The following OPRPN variants were observed in gnomAD, a reference collection of about 807,000 sequenced individuals.
The protein encoded by OPRPN is basic proline-rich lacrimal protein.
Under a neutral mutation model 2.2 loss-of-function variants are expected in OPRPN, and 1 was observed. The observed-to-expected ratio is 0.45, with a 90% CI of 0.16 to 2.15. The LOEUF (loss-of-function observed/expected upper bound fraction) is 2.15. Among genes scored for constraint, OPRPN ranks in the 30% most tolerant of loss-of-function variants. The pLI is 0.28. For synonymous variants in OPRPN, 126 were observed against 111.5 expected (o/e 1.13, Z -0.82); for missense variants, 306 against 297.3 (o/e 1.03, Z -0.21).
chr4:70,403,545 T>G (rs549567415), intron 2 of OPRPN, among the ~76,000 whole-genome samples: 16 of 152,336 alleles, frequency 1.1e-4, no homozygotes, highest in Admixed American at 7.2e-4. Context: ...CAAAAAATAT[T>G]TATGTTTCAT....
At position 70,401,778 on chromosome 4, in the gene OPRPN, G is replaced by T. The variant is rs1001831843; in HGVS notation, c.51+2442G>T. Among the ~76,000 whole-genome samples the T allele has an allele frequency of 3.9e-5, 6 of 152,050 alleles. No individual in the cohort carries two copies. In the East Asian group the frequency reaches 9.6e-4, roughly 24 times the overall value. ...GGCCAAGTGTAAGCTCAAAGGTAAA[G>T]TATCTCATGGTGGACAAGGATATCT... is the stretch of plus-strand genomic sequence containing the variant. On this transcript the variant is annotated intron_variant, in intron 2 of 2. Transcript: ENST00000399575.
chr4:70,403,174 A>G (rs1733017161), intron 2 of OPRPN, among the ~76,000 whole-genome samples: 1 of 152,210 alleles, frequency 6.6e-6, no homozygotes, highest in Admixed American at 6.5e-5. Context: ...CATGACCTCT[A>G]ACTTCAAGGG....
At chr4:70,403,823 T>G (rs1733029798) in intron 2 of OPRPN, among the ~76,000 whole-genome samples, 1 of 152,082 alleles carries the variant, frequency 6.6e-6, no homozygotes, top group Non-Finnish European at 1.5e-5. Context: ...ACCCAATATA[T>G]TCTAAGACCA....
At chr4:70,409,276 T>G in intron 2 of OPRPN, 104 bp from the exon 3 acceptor site, 1 of 859,624 alleles carries the variant, frequency 1.2e-6, no homozygotes, top group African/African-American at 1.7e-5. Flanking sequence ...TATATCCTAA[T>G]GTTTACATAG....
chr4:70,399,462 G>A (rs1732927892), intron 2 of OPRPN, 126 bp downstream of exon 2: 1 of 734,904 alleles, frequency 1.4e-6, no homozygotes, highest in African/African-American at 1.8e-5. Flanking sequence ...GATAATTATG[G>A]ACTTGCTCTT....
intron 2 of OPRPN, among the ~76,000 whole-genome samples, chr4:70,402,351 G>C (rs1733000637): frequency 6.6e-6 from 1 of 152,108 alleles, no homozygotes; most frequent in Admixed American, 6.6e-5. Context: ...GAGAAAGGCT[G>C]AGGACTTCTT....
At chr4:70,405,515 A>T (rs1370196593) in intron 2 of OPRPN, among the ~76,000 whole-genome samples, 1 of 152,130 alleles carries the variant, frequency 6.6e-6, no homozygotes, top group Non-Finnish European at 1.5e-5. Flanking sequence ...ATTGATACCC[A>T]AGTTTCTGTC....
At chr4:70,401,002 C>T (rs534975243) in intron 2 of OPRPN, among the ~76,000 whole-genome samples, 1 of 151,982 alleles carries the variant, frequency 6.6e-6, no homozygotes, top group South Asian at 2.1e-4. Context: ...CTTTGATTCT[C>T]TATCTACAAC....
Position 70,398,009 on chromosome 4 carries a change from T to C in OPRPN, c.-47T>C, listed in dbSNP as rs919430792. On this transcript the variant is annotated 5_prime_UTR_variant, in exon 1 of 3. Transcript: ENST00000399575. ...ATCTGGCAAGAGTAAGATTAAGCAG[T>C]AATTTGTTCCAAAGAAGAATCTTCT... 2.6e-5 allele frequency: 4 copies of C among 151,970 alleles called. No homozygotes were observed. The highest frequency in any genetic ancestry group is 6.6e-5 in the Admixed American group (1 of 15,188). 9.4% of individuals were successfully genotyped at this position (151,970 alleles called of 1,614,324 possible).
rs572710654 is a variant in OPRPN at position 70,408,296 on chromosome 4, G to T, written c.52-1084G>T. 3.3e-5 allele frequency among the ~76,000 whole-genome samples: 5 copies of T among 152,266 alleles called. No homozygotes were observed. The South Asian group carries it at 1.0e-3, about 32-fold the overall frequency. On this transcript the variant is annotated intron_variant, in intron 2 of 2. Coordinates refer to ENST00000399575, the MANE Select transcript of OPRPN (RefSeq NM_021225.5). The stretch of plus-strand genomic sequence containing the variant: ...TTTCAGGCAAACTGGTCTTCTGATG[G>T]TCGCTAGAATAGAACCTATATTTTC...
chr4:70,407,655 G>A (rs1240690714), intron 2 of OPRPN, among the ~76,000 whole-genome samples: 1 of 152,106 alleles, frequency 6.6e-6, no homozygotes, highest in Non-Finnish European at 1.5e-5. Flanking sequence ...AGCTTCAAGG[G>A]TACCCTAGGT....
Position 70,399,517 on chromosome 4 carries a change from G to A in OPRPN, c.51+181G>A, listed in dbSNP as rs78698994. On this transcript the variant is annotated intron_variant, in intron 2 of 2. Transcript: ENST00000399575. Reference sequence around the variant, plus strand: ...ATTTATGACTAACCATCTAGTCAGCGGTTGCTAAGCATGAAGGGACAGTGG... The same window carrying A: ...ATTTATGACTAACCATCTAGTCAGCAGTTGCTAAGCATGAAGGGACAGTGG... 7.0e-3 allele frequency: 3,778 copies of A among 542,186 alleles called. 30 individuals carry two copies. The highest frequency in any genetic ancestry group is 0.02 in the Middle Eastern group (38 of 1,900). 33.6% of individuals were successfully genotyped at this position (542,186 alleles called of 1,614,324 possible).
intron 2 of OPRPN, among the ~76,000 whole-genome samples, chr4:70,403,270 A>G (rs1733019032): frequency 6.6e-6 from 1 of 152,186 alleles, no homozygotes; most frequent in Non-Finnish European, 1.5e-5. Context: ...GGGCCAGATA[A>G]CAAATATTGT....
chr4:70,400,333 C>G (rs984432207), intron 2 of OPRPN, among the ~76,000 whole-genome samples: 1 of 151,816 alleles, frequency 6.6e-6, no homozygotes, highest in Non-Finnish European at 1.5e-5. Flanking sequence ...ATGATACTGT[C>G]AGATAAAGTA....
rs375240607 is a variant in OPRPN, at chr4:70,399,970, T to C, written c.51+634T>C. Reference sequence around the variant, plus strand: ...GAAGCACTTACACTAATTCAAACTTTTGAAAATCATTTGTTAAAGCTCTAT... The same window carrying C: ...GAAGCACTTACACTAATTCAAACTTCTGAAAATCATTTGTTAAAGCTCTAT... On this transcript the variant is annotated intron_variant, in intron 2 of 2. Transcript: ENST00000399575. 4.5e-4 allele frequency among the ~76,000 whole-genome samples: 69 copies of C among 152,042 alleles called. 2 individuals carry two copies. In the South Asian group the frequency reaches 0.014, roughly 31 times the overall value.
intron 2 of OPRPN, among the ~76,000 whole-genome samples, chr4:70,407,024 C>T (rs1004695579): frequency 6.6e-6 from 1 of 152,106 alleles, no homozygotes; most frequent in Non-Finnish European, 1.5e-5. Context: ...CTCATGGCAA[C>T]CCTGCTTTTC....
At chr4:70,401,480 T>C (rs1052203192) in intron 2 of OPRPN, among the ~76,000 whole-genome samples, 4 of 152,058 alleles carry the variant, frequency 2.6e-5, no homozygotes, top group Non-Finnish European at 5.9e-5. Context: ...AAATTAAAAA[T>C]AACAGTTCAT....
chr4:70,404,053 G>A (rs570046770), intron 2 of OPRPN, among the ~76,000 whole-genome samples: 3 of 152,116 alleles, frequency 2.0e-5, no homozygotes, highest in African/African-American at 7.2e-5. Flanking sequence ...TGAAAAAGTT[G>A]CCTCTGTACA....
rs1228036990 is a variant in OPRPN at position 70,398,373 on chromosome 4, G to C, written c.-16+333G>C. Among the ~76,000 whole-genome samples, 3 of 151,962 alleles carry C rather than the reference G, an allele frequency of 2.0e-5. No homozygotes were observed. The East Asian group carries it at 5.8e-4, about 29-fold the overall frequency. On this transcript the variant is annotated intron_variant, in intron 1 of 2. Transcript: ENST00000399575. ...TATATTAAGTTAGATTTGCATTTTT[G>C]TTGTTCTTGTTTGAGTTAGGTTTCT... is the stretch of plus-strand genomic sequence containing the variant.
Sources: gnomAD v4.1 joint callset for allele counts (sites outside exome capture counted in the v4.1 genomes callset) on GRCh38, gnomAD v4.1.1 for gene constraint, MANE v1.5 for transcripts, NCBI Gene and HGNC (gene_info 2026-07-23, HGNC 2026-07-21) for gene names.